Variants in DPP6 observed in about 807,000 individuals in gnomAD.
The protein encoded by DPP6 is dipeptidyl peptidase like 6.
DPP6 carries 69 observed loss-of-function variants against 122.6 expected under a neutral mutation model. The observed-to-expected ratio is 0.56, with a 90% CI of 0.46 to 0.69. The LOEUF (loss-of-function observed/expected upper bound fraction) is 0.69. DPP6 is among the 30% of genes least tolerant of loss of function. The probability of loss-of-function intolerance (pLI) is 0.00; values close to 1 mark genes in which losing one functional copy is unlikely to be tolerated. For missense variants in DPP6, 928 were observed against 1,116.9 expected (o/e 0.83, Z 2.41); for synonymous variants, 418 against 433.1 (o/e 0.97, Z 0.43).
intron 4 of DPP6, among the ~76,000 whole-genome samples, chr7:154,541,698 A>C (rs993137529): frequency 2.0e-5 from 3 of 152,240 alleles, no homozygotes; most frequent in African/African-American, 4.8e-5. Context: ...ACAGGCTGTG[A>C]ATCCCGTTAA....
the DPP6 span, among the ~76,000 whole-genome samples, chr7:153,874,285 C>CACAG: frequency 6.7e-6 from 1 of 149,218 alleles, no homozygotes; most frequent in Non-Finnish European, 1.5e-5. Context: ...CACACAGACA[C>CACAG]ACACACCAGA....
chr7:153,883,430 C>T (rs545547628), upstream of DPP6, among the ~76,000 whole-genome samples: 3 of 152,036 alleles, frequency 2.0e-5, no homozygotes, highest in East Asian at 1.9e-4. Context: ...TTGCCCAGGC[C>T]GGAGTGCAAT....
chr7:154,803,796 A>G, intron 13 of DPP6, 68 bp from the exon 14 acceptor site: 1 of 1,551,516 alleles, frequency 6.4e-7, no homozygotes, highest in East Asian at 2.4e-5. Flanking sequence ...AAACAGTTGG[A>G]GGATGAAGAG....
At chr7:154,650,647 T>A (rs1836818395) in intron 6 of DPP6, among the ~76,000 whole-genome samples, 1 of 152,126 alleles carries the variant, frequency 6.6e-6, no homozygotes, top group East Asian at 1.9e-4. Flanking sequence ...CCCAGGACCC[T>A]CAGCTCAGTC....
chr7:154,350,441 G>A (rs1442328565), intron 1 of DPP6, among the ~76,000 whole-genome samples: 1 of 152,122 alleles, frequency 6.6e-6, no homozygotes. Flanking sequence ...GCTTGTGTGT[G>A]GTATGGCGTG....
At chr7:153,843,163 C>T in the DPP6 span, among the ~76,000 whole-genome samples, 1 of 152,002 alleles carries the variant, frequency 6.6e-6, no homozygotes, top group Non-Finnish European at 1.5e-5. Flanking sequence ...CACATATGTG[C>T]ATACACACAC....
chr7:154,291,577 C>G (rs1805214413), intron 1 of DPP6, among the ~76,000 whole-genome samples: 1 of 152,310 alleles, frequency 6.6e-6, no homozygotes, highest in African/African-American at 2.4e-5. Context: ...AGCCTAGACT[C>G]TCTCTCCTGA....
At chr7:154,394,134 T>G (rs1473306257) in intron 1 of DPP6, among the ~76,000 whole-genome samples, 1 of 152,214 alleles carries the variant, frequency 6.6e-6, no homozygotes, top group African/African-American at 2.4e-5. Context: ...CATATGGTTA[T>G]TTCATTTTTA....
rs894749492 is a variant in DPP6, at chr7:154,760,071, A to C, written c.884-9346A>C. On this transcript the variant is annotated intron_variant, in intron 8 of 25. Coordinates refer to ENST00000377770, the MANE Select transcript of DPP6 (RefSeq NM_130797.4). This position sits in a 1 kb window ranked among gnomAD's most constrained non-coding sequence, Gnocchi z 4.5. ...CCAGCAGGCAGAGGTTGCAGTGAGC[A>C]GAAATCATGCCATTGCACTCCAGCC... Among the ~76,000 whole-genome samples the C allele has an allele frequency of 2.0e-5, 3 of 152,220 alleles. No individual in the cohort carries two copies. Among genetic ancestry groups the C allele is most frequent in the East Asian group, 1.9e-4 (1 of 5,186 alleles).
intron 3 of DPP6, among the ~76,000 whole-genome samples, chr7:154,527,802 C>A (rs1452221522): frequency 6.6e-6 from 1 of 151,968 alleles, no homozygotes; most frequent in Non-Finnish European, 1.5e-5. Context: ...CCATAAGATG[C>A]CATAACATTA....
intron 1 of DPP6, among the ~76,000 whole-genome samples, chr7:154,054,562 C>G (rs1397977018): frequency 2.0e-5 from 3 of 152,178 alleles, no homozygotes; most frequent in African/African-American, 7.2e-5. Context: ...CGTTTCCAGA[C>G]TCCCCTGGTT....
At chr7:154,164,180 T>TCCCTGCCCTGCCCTG (rs541105536) in intron 1 of DPP6, among the ~76,000 whole-genome samples, 4 of 148,416 alleles carry the variant, frequency 2.7e-5, no homozygotes, top group African/African-American at 1.0e-4. Context: ...CTAAGAGTCT[T>TCCCTGCCCTGCCCTG]CCCTGCCCTG....
upstream of DPP6, among the ~76,000 whole-genome samples, chr7:154,050,686 G>C (rs1800254924): frequency 6.6e-6 from 1 of 151,132 alleles, no homozygotes; most frequent in Admixed American, 6.6e-5. Context: ...AAGTCAAATG[G>C]AGCAGCTGAA....
chr7:153,963,623 G>A (rs1158389827), intron 1 of DPP6, among the ~76,000 whole-genome samples: 3 of 152,016 alleles, frequency 2.0e-5, no homozygotes, highest in Admixed American at 6.5e-5. Context: ...GACTGCCCAA[G>A]CCCCACCTCC....
At chr7:154,134,907 A>ACACTTCCTGTGAGCTCT (rs1795466826) in intron 1 of DPP6, among the ~76,000 whole-genome samples, 1 of 151,932 alleles carries the variant, frequency 6.6e-6, no homozygotes, top group South Asian at 2.1e-4. Context: ...CTGTGAGTTT[A>ACACTTCCTGTGAGCTCT]CACTTCCTGT....
At chr7:153,843,116 A>C in the DPP6 span, among the ~76,000 whole-genome samples, 11 of 151,690 alleles carry the variant, frequency 7.3e-5, no homozygotes, top group African/African-American at 2.7e-4. Flanking sequence ...GAGTGCATAC[A>C]CATGCGCATA....
chr7:154,220,419 C>A (rs1800238107), intron 1 of DPP6, among the ~76,000 whole-genome samples: 1 of 152,214 alleles, frequency 6.6e-6, no homozygotes, highest in Non-Finnish European at 1.5e-5. Context: ...ACCTAGCTAA[C>A]TGGGGAAGGT....
rs544412938 is a variant in DPP6, at chr7:154,123,292, C to T, written c.243+70229C>T. On this transcript the variant is annotated intron_variant, in intron 1 of 25. Transcript: ENST00000377770. ...TGACTTCTGCTTTCAAAATGAATTT[C>T]AGGGCTTTCTTTGAAGCAGTCTTGT... Among the ~76,000 whole-genome samples, 11 of 152,316 alleles carry T rather than the reference C, an allele frequency of 7.2e-5. No homozygotes were observed. The South Asian group carries it at 2.3e-3, about 32-fold the overall frequency.
intron 1 of DPP6, among the ~76,000 whole-genome samples, chr7:153,958,730 A>T (rs1287378343): frequency 6.6e-5 from 10 of 151,970 alleles, no homozygotes; most frequent in African/African-American, 2.4e-4. Context: ...ACTACAACAA[A>T]ATCAGCTCTC....
Sources: allele counts gnomAD v4.1 joint callset (sites outside exome capture counted in the v4.1 genomes callset), GRCh38; gene constraint gnomAD v4.1.1; non-coding constraint Gnocchi (gnomAD v3.1); transcripts MANE v1.5; gene names NCBI Gene and HGNC (gene_info 2026-07-23, HGNC 2026-07-21).